The following RPAP2 variants were observed in gnomAD, a reference collection of about 807,000 sequenced individuals.
RPAP2 encodes the protein RNA polymerase II associated protein 2, also known as putative RNA polymerase II subunit B1 CTD phosphatase RPAP2.
A neutral mutation model predicts 73.1 loss-of-function variants in RPAP2; 52 were observed. The observed-to-expected ratio is 0.71, with a 90% CI of 0.57 to 0.90. The LOEUF is 0.90. RPAP2 is among the 40% of genes least tolerant of loss of function. The pLI, the probability that RPAP2 is intolerant of heterozygous loss-of-function variation, is 0.00. For synonymous variants in RPAP2, 225 were observed against 242.1 expected, an observed-to-expected ratio of 0.93 and a Z score of 0.65; for missense variants, 598 against 701.8, an observed-to-expected ratio of 0.85 and a Z score of 1.67.
intron 6 of RPAP2, among the ~76,000 whole-genome samples, chr1:92,308,129 A>C (rs1370423458): frequency 6.6e-6 from 1 of 152,138 alleles, no homozygotes; most frequent in Non-Finnish European, 1.5e-5. Flanking sequence ...AGGCGATGTA[A>C]CACCACTCTC....
chr1:92,300,959 T>C (rs1381860885), intron 2 of RPAP2, among the ~76,000 whole-genome samples: 4 of 152,194 alleles, frequency 2.6e-5, no homozygotes, highest in Non-Finnish European at 5.9e-5. Flanking sequence ...TGATAAGCAC[T>C]ATGAAGGAAA....
At chr1:92,374,338 A>T (rs1655299685) in intron 11 of RPAP2, among the ~76,000 whole-genome samples, 1 of 152,196 alleles carries the variant, frequency 6.6e-6, no homozygotes, top group Non-Finnish European at 1.5e-5. Flanking sequence ...ACTGACCATG[A>T]AAAGAACAGT....
chr1:92,326,514 G>A lies in RPAP2; in HGVS notation c.1455+2139G>A, dbSNP rs185434175. Among the ~76,000 whole-genome samples, 32 of 152,260 alleles carry A rather than the reference G, an allele frequency of 2.1e-4. No individual in the cohort carries two copies. In the East Asian group the frequency reaches 3.3e-3, roughly 16 times the overall value. On this transcript the variant is annotated intron_variant, in intron 8 of 12. Coordinates refer to ENST00000610020, the MANE Select transcript of RPAP2 (RefSeq NM_024813.3). ...GGAGGATCAGGCTGTGGGTAGGGCC[G>A]TAGAACTCCCAAGAATATATGCCCT...
At chr1:92,302,311 G>T (rs1650906179) in intron 3 of RPAP2, among the ~76,000 whole-genome samples, 1 of 128,976 alleles carries the variant, frequency 7.8e-6, no homozygotes, top group African/African-American at 2.9e-5. Context: ...TGGGAAAAAA[G>T]AAAAATGAGG....
chr1:92,383,167 T>C (rs1655720108), intron 12 of RPAP2, among the ~76,000 whole-genome samples: 1 of 152,180 alleles, frequency 6.6e-6, no homozygotes, highest in South Asian at 2.1e-4. Flanking sequence ...TTTTGGTTAC[T>C]GTAGCCTTGT....
intron 11 of RPAP2, among the ~76,000 whole-genome samples, chr1:92,373,766 A>AAAAAAAAAAAAC (rs1655271212): frequency 6.7e-6 from 1 of 148,388 alleles, no homozygotes; most frequent in Non-Finnish European, 1.5e-5. Context: ...AAAAAAAAAA[A>AAAAAAAAAAAAC]AAAAGTAGCC....
At chr1:92,364,352 A>G (rs917605262) in intron 11 of RPAP2, among the ~76,000 whole-genome samples, 3 of 152,190 alleles carry the variant, frequency 2.0e-5, no homozygotes, top group African/African-American at 7.2e-5. Flanking sequence ...TAATGAGATA[A>G]TAGTTCAAAA....
At position 92,399,996 on chromosome 1, in the gene RPAP2, GCA is replaced by G. The variant is rs1160186178; in HGVS notation, c.*12988_*12989del. The G allele has an allele frequency of 6.6e-6, 1 of 152,154 alleles. No individual in the cohort carries two copies. Among genetic ancestry groups the G allele is most frequent in the African/African-American group, 2.4e-5 (1 of 41,438 alleles). 9.4% of individuals were successfully genotyped at this position (152,154 alleles called of 1,614,324 possible). The stretch of plus-strand genomic sequence containing the variant: ...AACTAAATATCTCACTTTAAAAAAA[GCA>G]CAAACTAAGACTCAATGAGGTTTAT... On this transcript the variant is annotated 3_prime_UTR_variant, in exon 13 of 13. Transcript: ENST00000610020.
At chr1:92,315,442 G>A (rs1351407207) in intron 6 of RPAP2, among the ~76,000 whole-genome samples, 1 of 152,144 alleles carries the variant, frequency 6.6e-6, no homozygotes, top group African/African-American at 2.4e-5. Context: ...AACACATTTT[G>A]TTGGAAAAAT....
chr1:92,353,592 C>A (rs1654321331), intron 11 of RPAP2, among the ~76,000 whole-genome samples: 2 of 152,126 alleles, frequency 1.3e-5, no homozygotes, highest in African/African-American at 4.8e-5. Flanking sequence ...TACTGGTATT[C>A]TTTTGGATTC....
intron 2 of RPAP2, among the ~76,000 whole-genome samples, chr1:92,300,850 T>G (rs1650791356): frequency 6.6e-6 from 1 of 152,238 alleles, no homozygotes; most frequent in South Asian, 2.1e-4. Flanking sequence ...GAAGATATGG[T>G]GAACAGAATA....
chr1:92,369,064 G>A (rs1327293035), intron 11 of RPAP2, among the ~76,000 whole-genome samples: 2 of 152,164 alleles, frequency 1.3e-5, no homozygotes, highest in Non-Finnish European at 2.9e-5. Flanking sequence ...CATCTTAAGT[G>A]TCACCTTTTG....
In RPAP2 at chr1:92,349,077, G is replaced by T. The variant is rs1423353800; in HGVS notation, c.1688+3163G>T. ...TAACATTGACTGTAGGCATACATGGGTGTATGTCTTTTTTAAAAATAATTA... is the reference window on the plus strand; with the variant it reads ...TAACATTGACTGTAGGCATACATGGTTGTATGTCTTTTTTAAAAATAATTA... On this transcript the variant is annotated intron_variant, in intron 11 of 12. Coordinates refer to ENST00000610020, the MANE Select transcript of RPAP2 (RefSeq NM_024813.3). Among the ~76,000 whole-genome samples the T allele has an allele frequency of 9.2e-5, 14 of 152,134 alleles. No homozygotes were observed. In the East Asian group the frequency reaches 2.7e-3, roughly 29 times the overall value.
chr1:92,324,844 A>G (rs1164753450), intron 8 of RPAP2, among the ~76,000 whole-genome samples: 2 of 152,196 alleles, frequency 1.3e-5, no homozygotes, highest in East Asian at 3.9e-4. Context: ...TAGTTTGTAA[A>G]AGAGACTTAT....
chr1:92,330,482 C>G (rs77726871), intron 8 of RPAP2, among the ~76,000 whole-genome samples: 1,720 of 93,450 alleles, frequency 0.018, 53 homozygotes, highest in African/African-American at 0.066. Context: ...GGAATCTTCT[C>G]TGTTGCCCAG....
At chr1:92,364,181 C>T (rs893389927) in intron 11 of RPAP2, among the ~76,000 whole-genome samples, 37 of 152,112 alleles carry the variant, frequency 2.4e-4, no homozygotes, top group African/African-American at 8.9e-4. Context: ...GTAGTGGTAT[C>T]GACCTTCAGG....
chr1:92,400,552 A>G lies in RPAP2; in HGVS notation c.*13541A>G, dbSNP rs1656290888. ...CTATGTTACCCAGGTCTCAATCACT[A>G]TGTTACTCCTTGCCTCAAGCAATCC... On this transcript the variant is annotated 3_prime_UTR_variant, in exon 13 of 13. Transcript: ENST00000610020. 6.6e-6 allele frequency: 1 copy of G among 151,984 alleles called. No individual in the cohort carries two copies. Among genetic ancestry groups the G allele is most frequent in the African/African-American group, 2.4e-5 (1 of 41,336 alleles). The allele number at this position is 151,984 out of a possible 1,614,324, so 9.4% of individuals were successfully genotyped here. A position where few individuals can be genotyped will look rare whatever the true frequency, so the allele number is the denominator to read the frequency against.
At chr1:92,385,013 A>G (rs1024681072) in intron 12 of RPAP2, among the ~76,000 whole-genome samples, 2 of 151,596 alleles carry the variant, frequency 1.3e-5, no homozygotes, top group African/African-American at 2.4e-5. Flanking sequence ...AAATAAAAAA[A>G]TTAGTCAGAT....
At chr1:92,311,902 G>A (rs545808403) in intron 6 of RPAP2, among the ~76,000 whole-genome samples, 233 of 152,284 alleles carry the variant, frequency 1.5e-3, no homozygotes, top group Admixed American at 3.7e-3. Flanking sequence ...CCTTCAGCAA[G>A]TATTAATCTT....
Sources: allele counts gnomAD v4.1 joint callset (sites outside exome capture counted in the v4.1 genomes callset), GRCh38; gene constraint gnomAD v4.1.1; transcripts MANE v1.5; gene names NCBI Gene and HGNC (gene_info 2026-07-23, HGNC 2026-07-21).